Variants in CROT observed in about 807,000 individuals in gnomAD.
The protein encoded by CROT is peroxisomal carnitine O-octanoyltransferase.
CROT carries 84 observed loss-of-function variants against 89.2 expected under a neutral mutation model. That is an observed-to-expected ratio of 0.94 (90% CI 0.79 to 1.13). The LOEUF (loss-of-function observed/expected upper bound fraction) is 1.13. CROT is among the 50% of genes most tolerant of loss of function. The pLI, the probability that CROT is intolerant of heterozygous loss-of-function variation, is 0.00. For missense variants in CROT, 711 were observed against 727.8 expected (o/e 0.98, Z 0.27); for synonymous variants, 212 against 239.5 (o/e 0.89, Z 1.06).
In CROT at chr7:87,393,070, G is replaced by A; in HGVS notation, c.1718+3G>A. The A allele has an allele frequency of 5.0e-6, 8 of 1,611,376 alleles. No individual in the cohort carries two copies. The highest frequency in any genetic ancestry group is 6.8e-6 in the Non-Finnish European group (8 of 1,179,014). ...TTCTACCATATCAGAGATGACAGGTGAGGCTTCTCTTTTTTATTCTTTCTG... is the reference window on the plus strand; with the variant it reads ...TTCTACCATATCAGAGATGACAGGTAAGGCTTCTCTTTTTTATTCTTTCTG... On this transcript the variant is annotated splice_donor_region_variant and intron_variant, in intron 17 of 17. Transcript: ENST00000331536.
chr7:87,349,164 A>T lies in CROT; in HGVS notation c.96A>T (p.Leu32Phe), dbSNP rs761000290. ...SLPVPSLEES[L>F]KKYLESVKPF... ...CTGTTCCTTCACTTGAAGAATCATT[A>T]AAAAAATACCTTGAATCAGGTATGT... The change falls in exon 3 of 18, where the codon TTA becomes TTT. Residue 32 changes from leucine (L) to phenylalanine (F), a missense_variant. Coordinates refer to ENST00000331536, the MANE Select transcript of CROT (RefSeq NM_021151.4). 4 of 1,569,328 alleles carry T rather than the reference A, an allele frequency of 2.5e-6. No individual in the cohort carries two copies. The highest frequency in any genetic ancestry group is 1.7e-5 in the Admixed American group (1 of 58,444).
intron 13 of CROT, among the ~76,000 whole-genome samples, chr7:87,387,524 G>A (rs1003647479): frequency 4.0e-5 from 6 of 151,696 alleles, no homozygotes; most frequent in Admixed American, 3.3e-4. Context: ...CAAGCCCCCA[G>A]TGCATTAGAA....
chr7:87,365,398 G>A (rs930144510), intron 6 of CROT, among the ~76,000 whole-genome samples: 1 of 151,866 alleles, frequency 6.6e-6, no homozygotes, highest in African/African-American at 2.4e-5. Flanking sequence ...GCTGAGGCAG[G>A]AGAATCACTT....
intron 4 of CROT, chr7:87,360,067 C>T (rs1335635589): frequency 1.0e-6 from 1 of 974,756 alleles, no homozygotes; most frequent in East Asian, 1.1e-4. Flanking sequence ...CCTTTGTTCT[C>T]AATTTTGAGC....
chr7:87,355,078 A>G (rs911405131), intron 3 of CROT, among the ~76,000 whole-genome samples: 3 of 150,034 alleles, frequency 2.0e-5, no homozygotes, highest in African/African-American at 7.4e-5. Context: ...TCCCTTCTGT[A>G]TAACCTTTCT....
At chr7:87,377,920 A>G (rs550429713) in intron 10 of CROT, among the ~76,000 whole-genome samples, 27 of 152,314 alleles carry the variant, frequency 1.8e-4, no homozygotes, top group African/African-American at 6.0e-4. Flanking sequence ...TACCATTTTG[A>G]CCATTTTCAT....
Position 87,391,664 on chromosome 7 carries a change from A to G in CROT, c.1377A>G (p.Thr459=). 6.2e-7 allele frequency: 1 copy of G among 1,612,062 alleles called. No individual in the cohort carries two copies. The highest frequency in any genetic ancestry group is 8.5e-7 in the Non-Finnish European group (1 of 1,179,262). Residue 459 remains threonine, a synonymous_variant, in exon 14 of 18, where the codon ACA becomes ACG. Transcript: ENST00000331536. ...GTACAGAGACTATGCGATCATGCAC[A>G]GTTGAAGCAGTGAGGTGGTGCCAGT... ...HGRTETMRSC[T]VEAVRWCQSM... is the part of the protein sequence containing the mutation.
chr7:87,364,351 G>A (rs1275451373), intron 6 of CROT, among the ~76,000 whole-genome samples: 1 of 152,164 alleles, frequency 6.6e-6, no homozygotes. Context: ...GAGACCAAGG[G>A]AAGTAGGAAG....
chr7:87,386,396 T>C (rs544057183), intron 13 of CROT, among the ~76,000 whole-genome samples: 58 of 152,300 alleles, frequency 3.8e-4, no homozygotes, highest in African/African-American at 1.2e-3. Flanking sequence ...TCTCAGGTTG[T>C]ATGTGTCCAG....
At chr7:87,369,330 G>A in intron 6 of CROT, 46 bp from the exon 7 acceptor site, 2 of 1,376,706 alleles carry the variant, frequency 1.5e-6, no homozygotes, top group Admixed American at 1.9e-5. Flanking sequence ...CTTTACTCCT[G>A]TTTAACCTTA....
chr7:87,347,232 TGATCTCACCATATTCGCAGGTTCTGGG>T (rs1805712986), intron 2 of CROT, among the ~76,000 whole-genome samples: 1 of 152,258 alleles, frequency 6.6e-6, no homozygotes, highest in Non-Finnish European at 1.5e-5. Context: ...ACAGGAGTAA[TGATCTCACCATATTCGCAGGTTCTGGG>T]GATTAGCAGG....
chr7:87,348,165 A>G (rs777637543), intron 2 of CROT, among the ~76,000 whole-genome samples: 4 of 152,034 alleles, frequency 2.6e-5, no homozygotes, highest in Non-Finnish European at 5.9e-5. Context: ...TTGATTTCTC[A>G]GTTGCTATTT....
At chr7:87,374,715 ATT>A (rs1337152197) in intron 7 of CROT, among the ~76,000 whole-genome samples, 9 of 152,078 alleles carry the variant, frequency 5.9e-5, no homozygotes. Flanking sequence ...CAAGAAATGT[ATT>A]TCTTTATCAG....
rs189365334 is a variant in CROT, at chr7:87,365,380, C to T, written c.547+3528C>T. Among the ~76,000 whole-genome samples, 60 of 151,984 alleles carry T rather than the reference C, an allele frequency of 3.9e-4. No homozygotes were observed. The East Asian group carries it at 9.1e-3, about 23-fold the overall frequency. On this transcript the variant is annotated intron_variant, in intron 6 of 17. Coordinates refer to ENST00000331536, the MANE Select transcript of CROT (RefSeq NM_021151.4). The stretch of plus-strand genomic sequence containing the variant: ...TGGCTCGCGCCTGTAATCCCAGCTA[C>T]GCGGGAAGCTGAGGCAGGAGAATCA...
chr7:87,374,228 A>G (rs1249006879), intron 7 of CROT, among the ~76,000 whole-genome samples: 2 of 152,118 alleles, frequency 1.3e-5, no homozygotes, highest in African/African-American at 4.8e-5. Flanking sequence ...TTAAAGGAAA[A>G]GAGGGATTAT....
At chr7:87,391,390 C>T (rs981225636) in intron 13 of CROT, among the ~76,000 whole-genome samples, 199 bp from the exon 14 acceptor site, 3 of 152,206 alleles carry the variant, frequency 2.0e-5, no homozygotes, top group African/African-American at 4.8e-5. Context: ...GCAGCCACGC[C>T]TTTGAAACAG....
intron 3 of CROT, among the ~76,000 whole-genome samples, chr7:87,351,496 G>A (rs1281341923): frequency 6.6e-6 from 1 of 152,070 alleles, no homozygotes; most frequent in Non-Finnish European, 1.5e-5. Context: ...CGTAGTTTGT[G>A]CCCATTCTGT....
intron 3 of CROT, among the ~76,000 whole-genome samples, chr7:87,356,137 T>C (rs1001990414): frequency 6.6e-6 from 1 of 152,136 alleles, no homozygotes; most frequent in Non-Finnish European, 1.5e-5. Context: ...GGTGCCACCA[T>C]GCCCTGCTAA....
intron 17 of CROT, among the ~76,000 whole-genome samples, chr7:87,398,103 C>CT (rs5885580): frequency 0.65 from 94,805 of 144,956 alleles, 31,923 homozygotes; most frequent in Middle Eastern, 0.75. Flanking sequence ...CCTTCTCTGC[C>CT]TTTTTTTTTT....
Sources: gnomAD v4.1 joint callset for allele counts (sites outside exome capture counted in the v4.1 genomes callset) on GRCh38, gnomAD v4.1.1 for gene constraint, MANE v1.5 for transcripts, NCBI Gene and HGNC (gene_info 2026-07-23, HGNC 2026-07-21) for gene names.